The following CCDC57 variants were observed in gnomAD, a reference collection of about 807,000 sequenced individuals.
CCDC57 encodes coiled-coil domain-containing protein 57.
In CCDC57, 118 loss-of-function variants were observed where a neutral mutation model predicts 118.9. The observed-to-expected ratio is 0.99, with a 90% CI of 0.86 to 1.16. CCDC57 has a LOEUF of 1.16. Ranked by LOEUF, CCDC57 falls within the 50% of genes most tolerant of loss-of-function variation. The pLI is 0.00. For missense variants in CCDC57, 1,300 were observed against 1,320.7 expected, an observed-to-expected ratio of 0.98 and a Z score of 0.24; for synonymous variants, 527 against 532.9, an observed-to-expected ratio of 0.99 and a Z score of 0.15.
intron 19 of CCDC57, among the ~76,000 whole-genome samples, chr17:82,125,941 G>T (rs2037365948): frequency 6.6e-6 from 1 of 152,158 alleles, no homozygotes; most frequent in Non-Finnish European, 1.5e-5. Context: ...TGCGGGAAGT[G>T]TGAGCGATGG....
intron 11 of CCDC57, among the ~76,000 whole-genome samples, chr17:82,173,453 G>C (rs903871086): frequency 4.6e-5 from 7 of 152,134 alleles, no homozygotes; most frequent in Admixed American, 3.3e-4. Context: ...AATGAGCAGA[G>C]CTCTGGAGAC....
chr17:82,132,809 G>T (rs1040952485), intron 17 of CCDC57, among the ~76,000 whole-genome samples: 3 of 139,958 alleles, frequency 2.1e-5, no homozygotes, highest in Admixed American at 1.6e-4. Context: ...GCCCAGGCTG[G>T]AGTGTAGTGG....
At chr17:82,184,049 A>ACACACACC in intron 8 of CCDC57, 117 bp from the exon 8 acceptor site, 1 of 557,030 alleles carries the variant, frequency 1.8e-6, no homozygotes, top group Non-Finnish European at 3.2e-6. Context: ...ACACACACAC[A>ACACACACC]CACACACACA....
chr17:82,125,315 A>G (rs113493413), intron 19 of CCDC57, among the ~76,000 whole-genome samples: 1 of 152,060 alleles, frequency 6.6e-6, no homozygotes, highest in Non-Finnish European at 1.5e-5. Flanking sequence ...AAGCGGGAGG[A>G]TCGCTTGAGC....
At chr17:82,105,842 G>A (rs1025006647) in intron 19 of CCDC57, among the ~76,000 whole-genome samples, 2 of 152,214 alleles carry the variant, frequency 1.3e-5, no homozygotes, top group Admixed American at 6.5e-5. Context: ...ATGCACAAGA[G>A]GGGAGGGTAC....
intron 4 of CCDC57, among the ~76,000 whole-genome samples, 198 bp from the exon 4 acceptor site, chr17:82,195,562 T>C (rs1215790782): frequency 6.6e-6 from 1 of 151,640 alleles, no homozygotes; most frequent in Non-Finnish European, 1.5e-5. Context: ...GAGGATCGCT[T>C]GAGCCCAGGA....
intron 11 of CCDC57, among the ~76,000 whole-genome samples, 177 bp downstream of exon 10, chr17:82,178,297 C>T (rs367571928): frequency 6.6e-6 from 1 of 152,210 alleles, no homozygotes; most frequent in African/African-American, 2.4e-5. Context: ...ACAAAGAAGC[C>T]TGAGTTCACC....
chr17:82,109,616 G>C (rs2035106537), intron 19 of CCDC57, among the ~76,000 whole-genome samples: 1 of 152,168 alleles, frequency 6.6e-6, no homozygotes, highest in Non-Finnish European at 1.5e-5. Flanking sequence ...CCAGCACTTT[G>C]GGAGGCTGAG....
intron 14 of CCDC57, among the ~76,000 whole-genome samples, 189 bp downstream of exon 13, chr17:82,163,011 G>C (rs1032565228): frequency 6.6e-6 from 1 of 152,272 alleles, no homozygotes; most frequent in East Asian, 1.9e-4. Context: ...CGCCTTCCAC[G>C]AGCACACCTG....
At chr17:82,202,007 T>C in intron 2 of CCDC57, 55 bp from the exon 2 acceptor site, 2 of 1,442,702 alleles carry the variant, frequency 1.4e-6, no homozygotes, top group Admixed American at 2.4e-5. Flanking sequence ...CTAATTTTCC[T>C]ACCACAGTAC....
chr17:82,197,561 A>C (rs1244931205), intron 4 of CCDC57, among the ~76,000 whole-genome samples: 5 of 152,210 alleles, frequency 3.3e-5, no homozygotes. Flanking sequence ...ATGTTTTTAA[A>C]ATTATACCTT....
At position 82,200,613 on chromosome 17, in the gene CCDC57, G is replaced by A. The variant is rs182693195; in HGVS notation, c.407+925C>T. 9.9e-5 allele frequency among the ~76,000 whole-genome samples: 15 copies of A among 151,866 alleles called. No homozygotes were observed. In the East Asian group the frequency reaches 2.1e-3, roughly 22 times the overall value. The stretch of plus-strand genomic sequence containing the variant: ...AGCCTGGGCAACATGGCAAAACCCC[G>A]TCTCTACTAAAAATACAAAAGAAAA... On this transcript the variant is annotated intron_variant, in intron 3 of 19. Coordinates refer to ENST00000665763, the Ensembl canonical transcript of CCDC57.
intron 13 of CCDC57, among the ~76,000 whole-genome samples, chr17:82,168,677 C>T (rs61195314): frequency 0.048 from 7,231 of 152,032 alleles, 230 homozygotes; most frequent in African/African-American, 0.09. Flanking sequence ...CACGCGAATG[C>T]TAATCAAAAG....
chr17:82,183,871 T>TA lies in CCDC57; in HGVS notation c.1113dup (p.Lys372Ter), dbSNP rs1395475516. On this transcript the variant is annotated frameshift_variant, in exon 9 of 20. Transcript: ENST00000665763. LOFTEE classifies it high-confidence loss of function. ...TGAAGGTCTCTGGAGACCATCTCCTTAGATAGTTGAGCAATTTGAGCATCC... is the reference window on the plus strand; with the variant it reads ...TGAAGGTCTCTGGAGACCATCTCCTTAAGATAGTTGAGCAATTTGAGCATCC... 1 of 1,613,554 alleles carries TA rather than the reference T, an allele frequency of 6.2e-7. No homozygotes were observed. Among genetic ancestry groups the TA allele is most frequent in the African/African-American group, 1.3e-5 (1 of 74,868 alleles).
intron 3 of CCDC57, among the ~76,000 whole-genome samples, chr17:82,198,877 C>G (rs892265742): frequency 5.9e-5 from 9 of 151,412 alleles, no homozygotes; most frequent in African/African-American, 2.2e-4. Context: ...CCTGTAGTCC[C>G]AGCTACTCGG....
chr17:82,155,208 A>T (rs1673466325), intron 15 of CCDC57: 1 of 152,192 alleles, frequency 6.6e-6, no homozygotes, highest in Non-Finnish European at 1.5e-5. Flanking sequence ...ATAAGAAGTC[A>T]CGTGTGGGGA....
At chr17:82,142,392 A>G (rs2040135611) in intron 16 of CCDC57, among the ~76,000 whole-genome samples, 2 of 151,680 alleles carry the variant, frequency 1.3e-5, no homozygotes, top group Non-Finnish European at 2.9e-5. Flanking sequence ...AGCTCACTGC[A>G]ACCTCTGCCT....
intron 1 of CCDC57, among the ~76,000 whole-genome samples, chr17:82,208,691 C>T (rs2049950945): frequency 6.6e-6 from 1 of 151,506 alleles, no homozygotes; most frequent in Non-Finnish European, 1.5e-5. Flanking sequence ...CCACCATGCC[C>T]AGTTAATTTT....
intron 13 of CCDC57, among the ~76,000 whole-genome samples, chr17:82,171,384 C>T (rs1490524159): frequency 2.0e-5 from 3 of 146,602 alleles, no homozygotes; most frequent in Non-Finnish European, 3.0e-5. Flanking sequence ...AGCCAGGGCA[C>T]GTGGGCTCTG....
Sources: allele counts gnomAD v4.1 joint callset (sites outside exome capture counted in the v4.1 genomes callset), GRCh38; gene constraint gnomAD v4.1.1; transcripts MANE v1.5; gene names NCBI Gene and HGNC (gene_info 2026-07-23, HGNC 2026-07-21).